The following COL24A1 variants were observed in gnomAD, a reference collection of about 807,000 sequenced individuals.
COL24A1 encodes collagen alpha-1(XXIV) chain.
COL24A1 carries 224 observed loss-of-function variants against 253.9 expected under a neutral mutation model. The ratio of observed to expected loss-of-function variants is 0.88; its 90% CI spans 0.79 to 0.99. The LOEUF (loss-of-function observed/expected upper bound fraction) is 0.99. Among genes scored for constraint, COL24A1 ranks in the 50% least tolerant of loss-of-function variants. COL24A1 has a pLI of 0.00. For missense variants in COL24A1, 2,131 were observed against 2,068.5 expected (o/e 1.03, Z -0.59); for synonymous variants, 685 against 673.7 (o/e 1.02, Z -0.26).
At chr1:85,911,957 G>A (rs1184663536) in intron 24 of COL24A1, among the ~76,000 whole-genome samples, 1 of 151,792 alleles carries the variant, frequency 6.6e-6, no homozygotes, top group Non-Finnish European at 1.5e-5. Context: ...GCCCTCTTGA[G>A]GCAAAAAGTC....
chr1:85,757,307 A>G (rs547309020), intron 55 of COL24A1, among the ~76,000 whole-genome samples: 2 of 152,316 alleles, frequency 1.3e-5, no homozygotes, highest in East Asian at 3.9e-4. Flanking sequence ...TCCTCTAGGT[A>G]TTCTACAAAA....
At chr1:86,041,037 T>C (rs954463175) in intron 12 of COL24A1, among the ~76,000 whole-genome samples, 2 of 152,182 alleles carry the variant, frequency 1.3e-5, no homozygotes, top group Non-Finnish European at 2.9e-5. Context: ...ACTCTAGATT[T>C]AGAAGCCAAA....
At chr1:85,970,818 T>C (rs888419420) in intron 21 of COL24A1, among the ~76,000 whole-genome samples, 1 of 152,218 alleles carries the variant, frequency 6.6e-6, no homozygotes, top group Non-Finnish European at 1.5e-5. Flanking sequence ...GGGTTCAGAT[T>C]CTTCAGACAT....
chr1:86,025,124 C>T (rs962798904), intron 14 of COL24A1, among the ~76,000 whole-genome samples: 1 of 152,096 alleles, frequency 6.6e-6, no homozygotes, highest in African/African-American at 2.4e-5. Context: ...GAGTGGAAAT[C>T]CTAGTCCTGA....
rs200157113 is a variant in COL24A1, at chr1:86,022,244, G to A, written c.2252C>T (p.Pro751Leu). The change falls in exon 18 of 60, where the codon CCT (proline) becomes CTT (leucine). Residue 751 changes from proline (P) to leucine (L), a missense_variant. Pro to Leu is a moderately conservative substitution (Grantham distance 98). Transcript: ENST00000370571. ...GPPGMRGKSG[P>L]SGQTGDPGLQ... ...AAAGCAAAAGTTCAAACCTACTGAA[G>A]GCCCTGACTTTCCTCTCATCCCTGG... 3 of 1,612,826 alleles carry A rather than the reference G, an allele frequency of 1.9e-6. No homozygotes were observed. Among genetic ancestry groups the A allele is most frequent in the East Asian group, 2.2e-5 (1 of 44,854 alleles).
In COL24A1 at chr1:85,896,039, T is replaced by TTTTTTC. The variant is rs1476259563; in HGVS notation, c.2858_2859insGAAAAA (p.Arg953_Gly954insLysLys). 3.2e-5 allele frequency: 52 copies of TTTTTTC among 1,612,454 alleles called. No homozygotes were observed. The Middle Eastern group carries it at 8.2e-4, about 26-fold the overall frequency. On this transcript the variant is annotated inframe_insertion, in exon 30 of 60. Transcript: ENST00000370571. ...TACTTACAATAAGACCATGAGGCCC[T>TTTTTTC]CTTTTTCCTTGATCTCCTTTTTCAC...
chr1:86,052,764 T>G (rs1037921381), intron 10 of COL24A1, among the ~76,000 whole-genome samples: 1 of 152,182 alleles, frequency 6.6e-6, no homozygotes, highest in South Asian at 2.1e-4. Context: ...TGTTCTTTAT[T>G]TTAAAAAGAA....
intron 21 of COL24A1, among the ~76,000 whole-genome samples, chr1:85,970,502 C>T (rs1281360729): frequency 6.8e-6 from 1 of 146,804 alleles, no homozygotes; most frequent in Non-Finnish European, 1.5e-5. Flanking sequence ...TGGATAGAGA[C>T]TGAAGATGAA....
intron 24 of COL24A1, among the ~76,000 whole-genome samples, chr1:85,924,224 C>A (rs766668024): frequency 1.3e-5 from 2 of 152,102 alleles, no homozygotes; most frequent in Non-Finnish European, 2.9e-5. Context: ...GATTCACAGC[C>A]AAATTCTACC....
chr1:86,125,233 C>A lies in COL24A1; in HGVS notation c.1103G>T (p.Ser368Ile), dbSNP rs921386228. The A allele has an allele frequency of 3.7e-6, 6 of 1,613,386 alleles. No individual in the cohort carries two copies. In the Admixed American group the frequency reaches 6.7e-5, roughly 18 times the overall value. The change falls in exon 3 of 60, where the codon AGC (serine) becomes ATC (isoleucine). Residue 368 changes from serine (S) to isoleucine (I), a missense_variant. By Grantham distance (142) the Ser-to-Ile change is moderately radical. Transcript: ENST00000370571. ...ATTGTCAGACATGTTTAGGAGAGAG[C>A]TAAATTTCTCTTTGGTATTCATTTT... ...EAKMNTKEKF[S>I]SLLNMSDNIT...
At chr1:85,937,206 G>A (rs1462603727) in intron 24 of COL24A1, among the ~76,000 whole-genome samples, 1 of 147,696 alleles carries the variant, frequency 6.8e-6, no homozygotes, top group Non-Finnish European at 1.5e-5. Flanking sequence ...CTGAGCTACA[G>A]CTTCACCCAG....
chr1:85,842,971 T>C (rs535368491), intron 39 of COL24A1, among the ~76,000 whole-genome samples: 1 of 152,200 alleles, frequency 6.6e-6, no homozygotes, highest in East Asian at 1.9e-4. Flanking sequence ...GCAAATGCCC[T>C]TAGCCTACTG....
Position 86,112,611 on chromosome 1 carries a change from C to A in COL24A1, c.1555G>T (p.Gly519Trp). The part of the protein sequence containing the change: ...SGKRGPRGIP[G>W]PHGNPGLPGL... ...GGTAAACCAGGATTTCCATGTGGCC[C>A]TGGTATGCCCTGCAAGTAACGAAAA... Residue 519 changes from glycine (G) to tryptophan (W), a missense_variant, in exon 5 of 60, where the codon GGG becomes TGG. Transcript: ENST00000370571. 6.2e-7 allele frequency: 1 copy of A among 1,613,072 alleles called. No homozygotes were observed. Among genetic ancestry groups the A allele is most frequent in the Non-Finnish European group, 8.5e-7 (1 of 1,179,416 alleles).
chr1:86,019,408 T>TA (rs1559026152), intron 18 of COL24A1, among the ~76,000 whole-genome samples: 3 of 145,274 alleles, frequency 2.1e-5, no homozygotes, highest in Non-Finnish European at 4.5e-5. Context: ...TTTTTTTTTT[T>TA]AATTAGCTGG....
chr1:85,891,509 A>T (rs74679611), intron 31 of COL24A1, among the ~76,000 whole-genome samples: 8,518 of 152,280 alleles, frequency 0.056, 317 homozygotes, highest in East Asian at 0.11. Flanking sequence ...TTAGCAACAC[A>T]CTATCTTCTA....
intron 19 of COL24A1, among the ~76,000 whole-genome samples, chr1:86,001,146 T>C (rs1390116556): frequency 1.3e-5 from 2 of 152,218 alleles, no homozygotes; most frequent in African/African-American, 4.8e-5. Flanking sequence ...TTTCACTTCA[T>C]TGTTACAGCA....
At chr1:86,097,517 C>G (rs1278241358) in intron 5 of COL24A1, among the ~76,000 whole-genome samples, 1 of 3,860 alleles carries the variant, frequency 2.6e-4, no homozygotes, top group Non-Finnish European at 6.9e-4. Flanking sequence ...CTCCTCCCTC[C>G]TCCTCCCTCC....
At chr1:86,145,769 G>T (rs1651790308) in intron 2 of COL24A1, among the ~76,000 whole-genome samples, 1 of 151,896 alleles carries the variant, frequency 6.6e-6, no homozygotes, top group Non-Finnish European at 1.5e-5. Context: ...ATATGCTTTT[G>T]TTGTATCAAG....
intron 59 of COL24A1, 69 bp downstream of exon 59, chr1:85,734,680 C>T (rs148891875): frequency 0.011 from 15,419 of 1,386,512 alleles, 135 homozygotes; most frequent in Middle Eastern, 0.019. Flanking sequence ...CTCTAATTAT[C>T]CTAATTTTAT....
Sources: gnomAD v4.1 joint callset for allele counts (sites outside exome capture counted in the v4.1 genomes callset) on GRCh38, gnomAD v4.1.1 for gene constraint, MANE v1.5 for transcripts, NCBI Gene and HGNC (gene_info 2026-07-23, HGNC 2026-07-21) for gene names.